AGAP3: variants seen among roughly 807,000 people sequenced by gnomAD.
The protein encoded by AGAP3 is ArfGAP with GTPase domain, ankyrin repeat and PH domain 3.
Under a neutral mutation model 96.9 loss-of-function variants are expected in AGAP3, and 24 were observed. The observed-to-expected ratio is 0.25, with a 90% CI of 0.18 to 0.35. The LOEUF (loss-of-function observed/expected upper bound fraction) is 0.35, where lower values mean the gene tolerates loss of function less well. Ranked by LOEUF, AGAP3 falls within the 10% of genes least tolerant of loss-of-function variation. The pLI is 1.00. For missense variants in AGAP3, 876 were observed against 1,254.2 expected (o/e 0.70, Z 4.55); for synonymous variants, 563 against 536.1 (o/e 1.05, Z -0.69).
rs1293426219 is a variant in AGAP3, at chr7:151,118,397, G to A, written c.841+53G>A. ...TGGCAGCCGCGGCCCCAGTGCTGGC[G>A]ATAGGAAGGCTCCCAGTGAGAGCAA... On this transcript the variant is annotated intron_variant, in intron 6 of 17. Coordinates refer to ENST00000397238, the MANE Select transcript of AGAP3 (RefSeq NM_031946.7). The surrounding 1 kb of genome is among the most constrained non-coding windows in gnomAD (Gnocchi z 6.1). The A allele has an allele frequency of 1.5e-5, 24 of 1,595,700 alleles. No individual in the cohort carries two copies. Among genetic ancestry groups the A allele is most frequent in the Non-Finnish European group, 1.8e-5 (21 of 1,166,428 alleles).
At chr7:151,129,511 G>A (rs1173959153) in intron 10 of AGAP3, among the ~76,000 whole-genome samples, 2 of 152,142 alleles carry the variant, frequency 1.3e-5, no homozygotes, top group Non-Finnish European at 2.9e-5. Flanking sequence ...TGGCCCTCCT[G>A]GGCTTCTGGG....
At chr7:151,092,167 C>T (rs1798423966) in intron 1 of AGAP3, among the ~76,000 whole-genome samples, 1 of 152,206 alleles carries the variant, frequency 6.6e-6, no homozygotes, top group African/African-American at 2.4e-5. Flanking sequence ...GCTTGAGCCA[C>T]GCCAGCATCC....
chr7:151,138,266 A>G lies in AGAP3; in HGVS notation c.1619A>G (p.Gln540Arg). The change falls in exon 12 of 18, where the codon CAG becomes CGG. Residue 540 changes from glutamine (Q) to arginine (R), a missense_variant. Around this residue, in one of 8 missense-constraint regions of AGAP3, gnomAD observed 155 missense variants for 144.4 expected, o/e 1.07. Transcript: ENST00000397238. The part of the protein sequence containing the change: ...QRSCSVSSAD[Q>R]WSEATTSLPP... ...TCCTGCTCCGTTTCCAGCGCCGACC[A>G]GTGGAGTGAGGCCACCACTTCCCTG... The G allele has an allele frequency of 6.2e-7, 1 of 1,612,806 alleles. No individual in the cohort carries two copies. Among genetic ancestry groups the G allele is most frequent in the Non-Finnish European group, 8.5e-7 (1 of 1,179,752 alleles).
chr7:151,144,186 C>T lies in AGAP3; in HGVS notation c.*243C>T, dbSNP rs1187154359. ...GCCATTGAAAAGGGACAGGACCCTT[C>T]GGAGGTGCCTGTGAGGAGAGGGGAG... On this transcript the variant is annotated 3_prime_UTR_variant, in exon 18 of 18. Coordinates refer to ENST00000397238, the MANE Select transcript of AGAP3 (RefSeq NM_031946.7). The T allele has an allele frequency of 2.0e-5, 11 of 541,252 alleles. No homozygotes were observed. The highest frequency in any genetic ancestry group is 3.8e-5 in the African/African-American group (2 of 52,738). 33.5% of individuals were successfully genotyped at this position (541,252 alleles called of 1,614,324 possible). A position where few individuals can be genotyped will look rare whatever the true frequency, so the allele number is the denominator to read the frequency against.
chr7:151,104,667 C>T (rs1023686900), intron 1 of AGAP3, among the ~76,000 whole-genome samples: 1 of 152,214 alleles, frequency 6.6e-6, no homozygotes, highest in African/African-American at 2.4e-5. Flanking sequence ...ACATCCCCAC[C>T]CACGGCTGGT....
intron 1 of AGAP3, among the ~76,000 whole-genome samples, chr7:151,101,488 G>A (rs866441432): frequency 1.8e-4 from 27 of 152,344 alleles, no homozygotes; most frequent in Middle Eastern, 3.4e-3. Flanking sequence ...GGGTGCCCAG[G>A]TGGCTGGGAA....
At chr7:151,122,657 G>A (rs1291908530) in intron 8 of AGAP3, 60 of 1,594,458 alleles carry the variant, frequency 3.8e-5, no homozygotes, top group Non-Finnish European at 5.0e-5. Flanking sequence ...TGCCCTCACC[G>A]GTGCTGACCG....
intron 10 of AGAP3, among the ~76,000 whole-genome samples, chr7:151,130,817 AC>A (rs1337573248): frequency 6.6e-6 from 1 of 150,650 alleles, no homozygotes; most frequent in Admixed American, 6.6e-5. Flanking sequence ...TCACGCCGCC[AC>A]CACCCCCGCC....
chr7:151,138,727 CTGAGTAGGG>C (rs1800704239), intron 12 of AGAP3, among the ~76,000 whole-genome samples: 1 of 152,196 alleles, frequency 6.6e-6, no homozygotes, highest in African/African-American at 2.4e-5. Context: ...GGGGAAGCGG[CTGAGTAGGG>C]AGGTCGGACG....
intron 1 of AGAP3, among the ~76,000 whole-genome samples, chr7:151,091,263 A>T (rs941702805): frequency 1.3e-5 from 2 of 152,174 alleles, no homozygotes; most frequent in East Asian, 3.8e-4. Flanking sequence ...ATGCATCTGG[A>T]GCCAGCCCAG....
intron 8 of AGAP3, among the ~76,000 whole-genome samples, chr7:151,121,478 C>T (rs960400584): frequency 2.6e-5 from 4 of 152,144 alleles, no homozygotes; most frequent in Non-Finnish European, 5.9e-5. Flanking sequence ...TCCGCTGCCT[C>T]AGTTCCATTC....
intron 1 of AGAP3, among the ~76,000 whole-genome samples, chr7:151,105,370 A>G (rs977508897): frequency 6.6e-6 from 1 of 152,354 alleles, no homozygotes; most frequent in Admixed American, 6.5e-5. Flanking sequence ...AGCCACGGTC[A>G]CCATTTTGTC....
chr7:151,135,798 C>A (rs1340088373), intron 11 of AGAP3, among the ~76,000 whole-genome samples: 1 of 152,224 alleles, frequency 6.6e-6, no homozygotes, highest in African/African-American at 2.4e-5. Context: ...TTATTGTCCC[C>A]ATTTTAATGA....
chr7:151,115,356 C>A, intron 1 of AGAP3: 2 of 1,022,508 alleles, frequency 2.0e-6, no homozygotes, highest in South Asian at 4.4e-5. Flanking sequence ...CCGCCTGCGC[C>A]GCGGCCAGGA....
At chr7:151,098,629 C>T (rs1013277893) in intron 1 of AGAP3, among the ~76,000 whole-genome samples, 1 of 151,920 alleles carries the variant, frequency 6.6e-6, no homozygotes, top group South Asian at 2.1e-4. Flanking sequence ...CCAGCCTGGG[C>T]GACAGAGCAA....
intron 8 of AGAP3, chr7:151,123,568 G>T: frequency 7.3e-7 from 1 of 1,376,138 alleles, no homozygotes; most frequent in Non-Finnish European, 9.4e-7. Flanking sequence ...TTTTGTAAGG[G>T]GCGGGCCCGG....
In AGAP3 at chr7:151,140,266, C is replaced by G. The variant is rs539170664; in HGVS notation, c.1804+150C>G. ...GCTAATCAAAGTAGTTCTACAGCTT[C>G]TTTTGGTAATCTAGACCTGGTATCT... On this transcript the variant is annotated intron_variant, in intron 13 of 17. Coordinates refer to ENST00000397238, the MANE Select transcript of AGAP3 (RefSeq NM_031946.7). The surrounding 1 kb of genome is among the most constrained non-coding windows in gnomAD (Gnocchi z 5.4). 1.7e-5 allele frequency: 16 copies of G among 939,964 alleles called. No individual in the cohort carries two copies. In the South Asian group the frequency reaches 5.6e-4, roughly 33 times the overall value. The allele number at this position is 939,964 out of a possible 1,614,324, so 58.2% of individuals were successfully genotyped here. A position where few individuals can be genotyped will look rare whatever the true frequency, so the allele number is the denominator to read the frequency against.
chr7:151,140,160 TG>T lies in AGAP3; in HGVS notation c.1804+47del, dbSNP rs781625456. The T allele has an allele frequency of 6.6e-7, 1 of 1,505,222 alleles. No homozygotes were observed. Among genetic ancestry groups the T allele is most frequent in the African/African-American group, 1.4e-5 (1 of 70,690 alleles). 93.2% of individuals were successfully genotyped at this position (1,505,222 alleles called of 1,614,324 possible). ...GAAACCGGGCACAGGAGGTGGGCAG[TG>T]GGACTTGGGGATAGTACCCTAAAAG... On this transcript the variant is annotated intron_variant, in intron 13 of 17. Transcript: ENST00000397238. The surrounding 1 kb of genome is among the most constrained non-coding windows in gnomAD (Gnocchi z 5.4).
In AGAP3 at chr7:151,144,279, C is replaced by T. The variant is rs755177977; in HGVS notation, c.*336C>T. 1.1e-4 allele frequency: 37 copies of T among 342,988 alleles called. No individual in the cohort carries two copies. The highest frequency in any genetic ancestry group is 1.7e-4 in the Non-Finnish European group (31 of 186,014). 21.2% of individuals were successfully genotyped at this position (342,988 alleles called of 1,614,324 possible). A position where few individuals can be genotyped will look rare whatever the true frequency, so the allele number is the denominator to read the frequency against. Reference sequence around the variant, plus strand: ...CCCCTCACACGCCTTCATCCTGAAACAGGAAGAGGACGGCACCAAGTTGGG... The same window carrying T: ...CCCCTCACACGCCTTCATCCTGAAATAGGAAGAGGACGGCACCAAGTTGGG... On this transcript the variant is annotated 3_prime_UTR_variant, in exon 18 of 18. Transcript: ENST00000397238.
Sources: gnomAD v4.1 joint callset for allele counts (sites outside exome capture counted in the v4.1 genomes callset) on GRCh38, gnomAD v4.1.1 for gene constraint, gnomAD v4.1.1 regional missense constraint, Gnocchi (gnomAD v3.1) non-coding constraint, MANE v1.5 for transcripts, NCBI Gene and HGNC (gene_info 2026-07-23, HGNC 2026-07-21) for gene names.